The following NEO1 variants were observed in gnomAD, a reference collection of about 807,000 sequenced individuals.
The protein encoded by NEO1 is neogenin 1.
A neutral mutation model predicts 159.7 loss-of-function variants in NEO1; 63 were observed. The observed-to-expected ratio is 0.39, with a 90% CI of 0.32 to 0.49. The LOEUF (loss-of-function observed/expected upper bound fraction) is 0.49. NEO1 is among the 20% of genes least tolerant of loss of function. The probability of loss-of-function intolerance (pLI) is 0.85; values close to 1 mark genes in which losing one functional copy is unlikely to be tolerated. For synonymous variants in NEO1, 633 were observed against 662.0 expected, an observed-to-expected ratio of 0.96 and a Z score of 0.67; for missense variants, 1,615 against 1,831.0, an observed-to-expected ratio of 0.88 and a Z score of 2.15.
chr15:73,285,652 T>C (rs1269869357), intron 23 of NEO1, among the ~76,000 whole-genome samples: 1 of 152,220 alleles, frequency 6.6e-6, no homozygotes, highest in Non-Finnish European at 1.5e-5. Flanking sequence ...GGTAGCTGTT[T>C]ACAGAGTCTT....
In NEO1 at chr15:73,168,281, C is replaced by G. The variant is rs1047053030; in HGVS notation, c.1016-8122C>G. Among the ~76,000 whole-genome samples the G allele has an allele frequency of 2.0e-5, 3 of 150,030 alleles. No individual in the cohort carries two copies. The East Asian group carries it at 5.9e-4, about 30-fold the overall frequency. ...CTCGGCTCACTGCAACCTCTGCCTC[C>G]CAGTTGATTCTCCTGCCTCAGCCTC... On this transcript the variant is annotated intron_variant, in intron 5 of 28. Coordinates refer to ENST00000261908, the MANE Select transcript of NEO1 (RefSeq NM_002499.4).
At chr15:73,236,529 C>G in intron 8 of NEO1, 23 bp downstream of exon 8, 1 of 1,609,432 alleles carries the variant, frequency 6.2e-7, no homozygotes, top group African/African-American at 1.3e-5. Flanking sequence ...GTGTCTGCAG[C>G]CAGTTGGCTG....
intron 5 of NEO1, among the ~76,000 whole-genome samples, chr15:73,165,155 G>A (rs1450737694): frequency 1.5e-5 from 2 of 131,140 alleles, no homozygotes; most frequent in Non-Finnish European, 3.1e-5. Flanking sequence ...ACTCCAGTCT[G>A]TATTTTAAAA....
At chr15:73,185,484 A>C (rs552814248) in intron 7 of NEO1, among the ~76,000 whole-genome samples, 1 of 152,264 alleles carries the variant, frequency 6.6e-6, no homozygotes, top group African/African-American at 2.4e-5. Context: ...ACACCATCAA[A>C]CTCTCACAAG....
At chr15:73,145,914 T>C (rs571993812) in intron 5 of NEO1, among the ~76,000 whole-genome samples, 17 of 152,286 alleles carry the variant, frequency 1.1e-4, no homozygotes, top group Admixed American at 3.3e-4. Context: ...CATTAATGAG[T>C]GCATGATTGT....
At chr15:73,250,405 G>A (rs961969917) in intron 11 of NEO1, among the ~76,000 whole-genome samples, 8 of 152,108 alleles carry the variant, frequency 5.3e-5, no homozygotes, top group South Asian at 2.1e-4. Context: ...TTAAAAAAAC[G>A]TATTTATGTG....
At chr15:73,060,964 G>A (rs1595887619) in intron 1 of NEO1, among the ~76,000 whole-genome samples, 1 of 152,070 alleles carries the variant, frequency 6.6e-6, no homozygotes, top group Admixed American at 6.6e-5. Context: ...TTTATTAATC[G>A]TACCTCACCT....
At chr15:73,158,231 T>TTTTTTTA (rs1164361105) in intron 5 of NEO1, among the ~76,000 whole-genome samples, 1 of 148,926 alleles carries the variant, frequency 6.7e-6, no homozygotes, top group South Asian at 2.1e-4. Flanking sequence ...TTTTTTTTTT[T>TTTTTTTA]TTACAATTTT....
chr15:73,221,034 G>GT (rs1438849618), intron 7 of NEO1, among the ~76,000 whole-genome samples: 6 of 152,108 alleles, frequency 3.9e-5, no homozygotes, highest in Admixed American at 6.5e-5. Context: ...TTTCTGCTCT[G>GT]TTTTTTCCCC....
At chr15:73,111,936 A>C (rs114860306) in intron 1 of NEO1, among the ~76,000 whole-genome samples, 3 of 152,106 alleles carry the variant, frequency 2.0e-5, no homozygotes, top group African/African-American at 7.2e-5. Context: ...CACCCAGCCA[A>C]TGTAGTATTT....
intron 1 of NEO1, among the ~76,000 whole-genome samples, chr15:73,101,038 C>A (rs758664720): frequency 2.7e-4 from 41 of 152,230 alleles, no homozygotes; most frequent in Non-Finnish European, 5.3e-4. Context: ...AGAGGGGCAG[C>A]ATTCCTTCAA....
At chr15:73,142,183 T>A (rs2032459302) in intron 5 of NEO1, among the ~76,000 whole-genome samples, 2 of 152,028 alleles carry the variant, frequency 1.3e-5, no homozygotes, top group Non-Finnish European at 2.9e-5. Flanking sequence ...GGGGCAACAA[T>A]TTCTGTCACC....
chr15:73,113,022 A>G (rs978987057), intron 1 of NEO1, among the ~76,000 whole-genome samples: 1 of 152,094 alleles, frequency 6.6e-6, no homozygotes, highest in Non-Finnish European at 1.5e-5. Flanking sequence ...GTTTCCAAAT[A>G]TATATAGCTC....
Position 73,272,508 on chromosome 15 carries a change from A to G in NEO1, c.2911A>G (p.Lys971Glu), listed in dbSNP as rs2041218863. 1.9e-6 allele frequency: 3 copies of G among 1,613,986 alleles called. No individual in the cohort carries two copies. The highest frequency in any genetic ancestry group is 2.5e-6 in the Non-Finnish European group (3 of 1,179,962). ...VTVVSKEGKP[K>E]TIIVNWQPPS... The stretch of plus-strand genomic sequence containing the variant: ...TGTTGTGAGTAAAGAGGGGAAACCT[A>G]AGACCATAATTGTGAATTGGCAGCC... The change falls in exon 19 of 29, where the codon AAG (lysine) becomes GAG (glutamate). Residue 971 changes from lysine to glutamate, a missense_variant. By Grantham distance (56) the Lys-to-Glu change is moderately conservative. This residue lies in a region of NEO1 where 126 missense variants were observed against 216.7 expected (regional missense o/e 0.58). Coordinates refer to ENST00000261908, the MANE Select transcript of NEO1 (RefSeq NM_002499.4).
At chr15:73,171,025 C>G (rs1447277667) in intron 5 of NEO1, among the ~76,000 whole-genome samples, 1 of 151,644 alleles carries the variant, frequency 6.6e-6, no homozygotes, top group East Asian at 1.9e-4. Context: ...ACTAGCCTGA[C>G]TCCAATCAGG....
chr15:73,289,780 C>CA (rs1254418135), intron 25 of NEO1, among the ~76,000 whole-genome samples: 3 of 151,456 alleles, frequency 2.0e-5, no homozygotes, highest in Admixed American at 2.0e-4. Context: ...CCATCTCTAC[C>CA]AAAAAAAATA....
At chr15:73,074,869 G>A (rs62016800) in intron 1 of NEO1, among the ~76,000 whole-genome samples, 28,621 of 152,072 alleles carry the variant, frequency 0.19, 3,389 homozygotes, top group Middle Eastern at 0.3. Flanking sequence ...GGGTGCAGGA[G>A]CCAGATGGAG....
chr15:73,236,732 TGA>T (rs1337644856), intron 8 of NEO1, among the ~76,000 whole-genome samples: 1 of 152,198 alleles, frequency 6.6e-6, no homozygotes, highest in Admixed American at 6.5e-5. Flanking sequence ...ATACAGCTAT[TGA>T]GGTGGACGTA....
At chr15:73,275,540 A>G (rs1329817511) in intron 21 of NEO1, among the ~76,000 whole-genome samples, 1 of 152,038 alleles carries the variant, frequency 6.6e-6, no homozygotes, top group Non-Finnish European at 1.5e-5. Flanking sequence ...CTATAATCCC[A>G]GCTACTCCGG....
Sources: allele counts gnomAD v4.1 joint callset (sites outside exome capture counted in the v4.1 genomes callset), GRCh38; gene constraint gnomAD v4.1.1; regional missense constraint gnomAD v4.1.1; transcripts MANE v1.5; gene names NCBI Gene and HGNC (gene_info 2026-07-23, HGNC 2026-07-21).